GPRIN2: variants seen among roughly 807,000 people sequenced by gnomAD.
The protein encoded by GPRIN2 is G protein-regulated inducer of neurite outgrowth 2.
In GPRIN2, 1 loss-of-function variant was observed where a neutral mutation model predicts 0.3. That is an observed-to-expected ratio of 3.90 (90% CI 1.39 to 18.51). The LOEUF (loss-of-function observed/expected upper bound fraction) is 18.51. Among genes scored for constraint, GPRIN2 ranks in the 30% most tolerant of loss-of-function variants. The probability of loss-of-function intolerance (pLI) is 0.11; values close to 1 mark genes in which losing one functional copy is unlikely to be tolerated. For synonymous variants in GPRIN2, 361 were observed against 258.6 expected, an observed-to-expected ratio of 1.40 and a Z score of -3.80; for missense variants, 880 against 604.2, an observed-to-expected ratio of 1.46 and a Z score of -4.79.
Position 46,541,977 on chromosome 10 carries a change from G to C in GPRIN2, c.*7383C>G, listed in dbSNP as rs1841798319. On this transcript the variant is annotated 3_prime_UTR_variant, in exon 3 of 3. Coordinates refer to ENST00000374314, the MANE Select transcript of GPRIN2 (RefSeq NM_001385282.1). ...TCAAGAATTGAAATCTTCACAAGAA[G>C]CCCTTGCCCATCTCCCTGAATACCC... is the stretch of plus-strand genomic sequence containing the variant. 6.6e-6 allele frequency among the ~76,000 whole-genome samples: 1 copy of C among 152,022 alleles called. No homozygotes were observed. Among genetic ancestry groups the C allele is most frequent in the Non-Finnish European group, 1.5e-5 (1 of 68,042 alleles).
chr10:46,551,469 A>G, intron 2 of GPRIN2: 2 of 985,520 alleles, frequency 2.0e-6, no homozygotes, highest in Middle Eastern at 5.2e-4. Flanking sequence ...TCCATGAGGG[A>G]CTCATTCAGC....
chr10:46,555,747 G>C (rs1225700155), intron 1 of GPRIN2, among the ~76,000 whole-genome samples: 1 of 152,308 alleles, frequency 6.6e-6, no homozygotes, highest in Non-Finnish European at 1.5e-5. Flanking sequence ...CAATCCCTGG[G>C]GGGCACCTAG....
In GPRIN2 at chr10:46,549,315, G is replaced by T; in HGVS notation, c.*45C>A. ...CCCCACCGTCCCTGGCCCAGGTCTAGGACTAAGTCAGTGGGCCCAGGCCAG... is the reference window on the plus strand; with the variant it reads ...CCCCACCGTCCCTGGCCCAGGTCTATGACTAAGTCAGTGGGCCCAGGCCAG... On this transcript the variant is annotated 3_prime_UTR_variant, in exon 3 of 3. Transcript: ENST00000374314. The T allele has an allele frequency of 2.1e-6, 3 of 1,454,160 alleles. No homozygotes were observed. The South Asian group carries it at 4.4e-5, about 21-fold the overall frequency. The allele number at this position is 1,454,160 out of a possible 1,614,324, so 90.1% of individuals were successfully genotyped here. A position where few individuals can be genotyped will look rare whatever the true frequency, so the allele number is the denominator to read the frequency against.
intron 2 of GPRIN2, among the ~76,000 whole-genome samples, chr10:46,553,346 T>G (rs1469727839): frequency 3.3e-5 from 5 of 152,308 alleles, no homozygotes; most frequent in African/African-American, 1.2e-4. Context: ...GCTGCAAGAA[T>G]GAGGAGGGCA....
In GPRIN2 at chr10:46,544,069, C is replaced by T. The variant is rs1233053799; in HGVS notation, c.*5291G>A. On this transcript the variant is annotated 3_prime_UTR_variant, in exon 3 of 3. Coordinates refer to ENST00000374314, the MANE Select transcript of GPRIN2 (RefSeq NM_001385282.1). ...CCCCATGTCTCTCAATCAGGGAGGT[C>T]CCCAGCCAGCTTTGGAAAGACACCC... 6.6e-6 allele frequency among the ~76,000 whole-genome samples: 1 copy of T among 152,304 alleles called. No homozygotes were observed. The highest frequency in any genetic ancestry group is 1.5e-5 in the Non-Finnish European group (1 of 68,058).
At position 46,556,633 on chromosome 10, in the gene GPRIN2, C is replaced by T. The variant is rs1030799063; in HGVS notation, c.-253G>A. On this transcript the variant is annotated 5_prime_UTR_variant, in exon 1 of 3. Transcript: ENST00000374314. The stretch of plus-strand genomic sequence containing the variant: ...GAGACGCCGCCCGCCGCCGTCGGCC[C>T]GGCCCGCGGAGCAAGCGCCGGGTAC... Among the ~76,000 whole-genome samples the T allele has an allele frequency of 6.6e-6, 1 of 152,062 alleles. No homozygotes were observed. Among genetic ancestry groups the T allele is most frequent in the African/African-American group, 2.4e-5 (1 of 41,546 alleles).
rs1832495903 is a variant in GPRIN2 at position 46,550,062 on chromosome 10, G to A, written c.675C>T (p.Thr225=). The change falls in exon 3 of 3, where the codon ACC becomes ACT. Residue 225 remains threonine (T), a synonymous_variant. Transcript: ENST00000374314. ...PKAAEQLATT[T]CHALPPAALL... is the part of the protein sequence containing the mutation. The stretch of plus-strand genomic sequence containing the variant: ...GAGCAGCTGGGGGCAGAGCATGGCA[G>A]GTGGTGGTAGCCAGCTGTTCAGCAG... 3 of 1,613,696 alleles carry A rather than the reference G, an allele frequency of 1.9e-6. No individual in the cohort carries two copies. The highest frequency in any genetic ancestry group is 1.3e-5 in the African/African-American group (1 of 74,968).
At position 46,544,144 on chromosome 10, in the gene GPRIN2, AG is replaced by A. The variant is rs1841956330; in HGVS notation, c.*5215del. 6.6e-6 allele frequency among the ~76,000 whole-genome samples: 1 copy of A among 152,306 alleles called. No homozygotes were observed. Among genetic ancestry groups the A allele is most frequent in the Non-Finnish European group, 1.5e-5 (1 of 68,056 alleles). The stretch of plus-strand genomic sequence containing the variant: ...AGAAGGGTTCAATAGGGAAGGTACC[AG>A]CGGCCGGCTGCAGAGGGGCTCCATT... On this transcript the variant is annotated 3_prime_UTR_variant, in exon 3 of 3. Coordinates refer to ENST00000374314, the MANE Select transcript of GPRIN2 (RefSeq NM_001385282.1).
Position 46,542,260 on chromosome 10 carries a change from A to C in GPRIN2, c.*7100T>G, listed in dbSNP as rs1841819473. On this transcript the variant is annotated 3_prime_UTR_variant, in exon 3 of 3. Coordinates refer to ENST00000374314, the MANE Select transcript of GPRIN2 (RefSeq NM_001385282.1). ...CCCCTCCCAGGGTTCCAGCCCCAAC[A>C]GAGGCTCCCTGCTTGGGCCTTGCTC... 6.6e-6 allele frequency among the ~76,000 whole-genome samples: 1 copy of C among 152,312 alleles called. No homozygotes were observed. Among genetic ancestry groups the C allele is most frequent in the Non-Finnish European group, 1.5e-5 (1 of 68,058 alleles).
chr10:46,554,807 A>G lies in GPRIN2; in HGVS notation c.-117-112T>C, dbSNP rs925676301. 3 of 154,330 alleles carry G rather than the reference A, an allele frequency of 1.9e-5. No homozygotes were observed. In the Admixed American group the frequency reaches 2.0e-4, roughly 10 times the overall value. 9.6% of individuals were successfully genotyped at this position (154,330 alleles called of 1,614,324 possible). The stretch of plus-strand genomic sequence containing the variant: ...AACATAGAGACCTTTGAGTCAACGT[A>G]CAGAGTCCAGCTCCCGCCATGCTGC... On this transcript the variant is annotated intron_variant, in intron 1 of 2. Coordinates refer to ENST00000374314, the MANE Select transcript of GPRIN2 (RefSeq NM_001385282.1).
Position 46,549,279 on chromosome 10 carries a change from G to T in GPRIN2, c.*81C>A, listed in dbSNP as rs1171772901. On this transcript the variant is annotated 3_prime_UTR_variant, in exon 3 of 3. Coordinates refer to ENST00000374314, the MANE Select transcript of GPRIN2 (RefSeq NM_001385282.1). Reference sequence around the variant, plus strand: ...GTGCCCAGCTGCCGGTGGGTCCAGGGGGCACGGAGCCCCCACCGTCCCTGG... The same window carrying T: ...GTGCCCAGCTGCCGGTGGGTCCAGGTGGCACGGAGCCCCCACCGTCCCTGG... 7.0e-7 allele frequency: 1 copy of T among 1,431,758 alleles called. No individual in the cohort carries two copies. Among genetic ancestry groups the T allele is most frequent in the East Asian group, 2.6e-5 (1 of 39,012 alleles). 88.7% of individuals were successfully genotyped at this position (1,431,758 alleles called of 1,614,324 possible). A position where few individuals can be genotyped will look rare whatever the true frequency, so the allele number is the denominator to read the frequency against.
chr10:46,549,363 C>T lies in GPRIN2; in HGVS notation c.1374G>A (p.Glu458=). 6.8e-7 allele frequency: 1 copy of T among 1,474,008 alleles called. No individual in the cohort carries two copies. Among genetic ancestry groups the T allele is most frequent in the African/African-American group, 1.4e-5 (1 of 70,510 alleles). The allele number at this position is 1,474,008 out of a possible 1,614,324, so 91.3% of individuals were successfully genotyped here. ...CAGCTCCAAGGGCCACAGCTCCTCA[C>T]TCGGGGGCCGCGCCGGAGCAGCCGC... ...SCCGCSGAAP[E] is the part of the protein sequence containing the mutation. Residue 458 remains glutamate, a synonymous_variant, in exon 3 of 3, where the codon GAG becomes GAA. Coordinates refer to ENST00000374314, the MANE Select transcript of GPRIN2 (RefSeq NM_001385282.1).
In GPRIN2 at chr10:46,547,092, C is replaced by T. The variant is rs1832866409; in HGVS notation, c.*2268G>A. ...CTGTGGCAGGTGGCCCTTTCTGCAC[C>T]TGCTGAACATGCCATTCACCTTGAC... is the stretch of plus-strand genomic sequence containing the variant. On this transcript the variant is annotated 3_prime_UTR_variant, in exon 3 of 3. Coordinates refer to ENST00000374314, the MANE Select transcript of GPRIN2 (RefSeq NM_001385282.1). Among the ~76,000 whole-genome samples, 1 of 152,426 alleles carries T rather than the reference C, an allele frequency of 6.6e-6. No homozygotes were observed. The highest frequency in any genetic ancestry group is 2.1e-4 in the South Asian group (1 of 4,832).
rs747110069 is a variant in GPRIN2 at position 46,550,526 on chromosome 10, T to C, written c.211A>G (p.Ser71Gly). The C allele has an allele frequency of 6.3e-7, 1 of 1,596,968 alleles. No homozygotes were observed. Among genetic ancestry groups the C allele is most frequent in the Non-Finnish European group, 8.5e-7 (1 of 1,170,696 alleles). Residue 71 changes from serine (S) to glycine (G), a missense_variant, in exon 3 of 3, where the codon AGC (serine) becomes GGC (glycine). Physicochemically the swap from Ser to Gly is moderately conservative, Grantham distance 56 (BLOSUM62 0). Coordinates refer to ENST00000374314, the MANE Select transcript of GPRIN2 (RefSeq NM_001385282.1). ...APEEEGNPPE[S>G]MKPARASGPK... is the part of the protein sequence containing the mutation. ...CCAGAGGCCCGTGCTGGCTTCATGC[T>C]CTCAGGCGGGTTCCCCTCTTCCTCC...
rs1842156604 is a variant in GPRIN2 at position 46,546,313 on chromosome 10, G to A, written c.*3047C>T. Among the ~76,000 whole-genome samples the A allele has an allele frequency of 6.6e-6, 1 of 152,312 alleles. No homozygotes were observed. The highest frequency in any genetic ancestry group is 1.5e-5 in the Non-Finnish European group (1 of 68,058). On this transcript the variant is annotated 3_prime_UTR_variant, in exon 3 of 3. Transcript: ENST00000374314. Reference sequence around the variant, plus strand: ...TCCTGAATGCCATGGAAGGAGAGCAGGTGGGCAGAAGCAGGGAGCCCCTGG... The same window carrying A: ...TCCTGAATGCCATGGAAGGAGAGCAAGTGGGCAGAAGCAGGGAGCCCCTGG...
chr10:46,552,539 G>A (rs1301198916), intron 2 of GPRIN2, among the ~76,000 whole-genome samples: 1 of 152,310 alleles, frequency 6.6e-6, no homozygotes, highest in African/African-American at 2.4e-5. Flanking sequence ...CCAGCACTCA[G>A]GAGATGGCTG....
chr10:46,555,998 C>T lies in GPRIN2; in HGVS notation c.-118+500G>A, dbSNP rs111991098. Among the ~76,000 whole-genome samples the T allele has an allele frequency of 1.9e-3, 283 of 152,190 alleles. No individual in the cohort carries two copies. The highest frequency in any genetic ancestry group is 3.4e-3 in the Middle Eastern group (1 of 294). The stretch of plus-strand genomic sequence containing the variant: ...CCCTCCCGCCCCTCCTGCACAAAGC[C>T]CACCCGGACTTAGGGAGAAGGGGGC... On this transcript the variant is annotated intron_variant, in intron 1 of 2. Transcript: ENST00000374314.
rs899129934 is a variant in GPRIN2 at position 46,550,047 on chromosome 10, G to A, written c.690C>T (p.Pro230=). The change falls in exon 3 of 3, where the codon CCC becomes CCT. Residue 230 remains proline (P), a synonymous_variant. Coordinates refer to ENST00000374314, the MANE Select transcript of GPRIN2 (RefSeq NM_001385282.1). The stretch of plus-strand genomic sequence containing the variant: ...TCATGCCACAGAGTAGAGCAGCTGG[G>A]GGCAGAGCATGGCAGGTGGTGGTAG... ...QLATTTCHAL[P]PAALLCGMRE... 4 of 1,613,462 alleles carry A rather than the reference G, an allele frequency of 2.5e-6. No individual in the cohort carries two copies. Among genetic ancestry groups the A allele is most frequent in the Non-Finnish European group, 3.4e-6 (4 of 1,179,602 alleles).
At chr10:46,554,852 C>T (rs1831966154) in intron 1 of GPRIN2, among the ~76,000 whole-genome samples, 157 bp from the exon 2 acceptor site, 737 of 151,824 alleles carry the variant, frequency 4.9e-3, no homozygotes, top group Non-Finnish European at 7.4e-3. Context: ...GGAGCCCAGG[C>T]CTTTGGGATA....
Sources: allele counts gnomAD v4.1 joint callset (sites outside exome capture counted in the v4.1 genomes callset), GRCh38; gene constraint gnomAD v4.1.1; transcripts MANE v1.5; gene names NCBI Gene and HGNC (gene_info 2026-07-23, HGNC 2026-07-21).